KMT2C: variants seen among roughly 807,000 people sequenced by gnomAD.
The protein encoded by KMT2C is histone-lysine N-methyltransferase 2C.
Under a neutral mutation model 507.9 loss-of-function variants are expected in KMT2C, and 88 were observed. The observed-to-expected ratio is 0.17, with a 90% CI of 0.15 to 0.21. The LOEUF (loss-of-function observed/expected upper bound fraction) is 0.21, where lower values mean the gene tolerates loss of function less well. Ranked by LOEUF, KMT2C falls within the 10% of genes least tolerant of loss-of-function variation. The pLI is 1.00. For missense variants in KMT2C, 4,954 were observed against 5,957.8 expected, an observed-to-expected ratio of 0.83 and a Z score of 5.55; for synonymous variants, 2,049 against 2,080.8, an observed-to-expected ratio of 0.98 and a Z score of 0.42.
chr7:152,232,581 C>A (rs2095152769), intron 16 of KMT2C, among the ~76,000 whole-genome samples: 1 of 151,928 alleles, frequency 6.6e-6, no homozygotes, highest in South Asian at 2.1e-4. Flanking sequence ...TATAAATATA[C>A]CAAACTGATA....
At chr7:152,377,735 A>AG (rs1491211834) in intron 1 of KMT2C, among the ~76,000 whole-genome samples, 1 of 114,548 alleles carries the variant, frequency 8.7e-6, no homozygotes, top group African/African-American at 5.1e-5. Context: ...ACTCCGTCTC[A>AG]AAAAAAAAAA....
intron 9 of KMT2C, among the ~76,000 whole-genome samples, chr7:152,254,199 T>C (rs2095608549): frequency 6.6e-6 from 1 of 152,056 alleles, no homozygotes; most frequent in African/African-American, 2.4e-5. Context: ...AAGGATCTCT[T>C]GAGCCTAGGA....
chr7:152,166,823 T>C (rs2092751543), intron 42 of KMT2C, among the ~76,000 whole-genome samples: 1 of 152,194 alleles, frequency 6.6e-6, no homozygotes, highest in African/African-American at 2.4e-5. Flanking sequence ...GTCTTTGCAG[T>C]GATTTCTTAG....
intron 23 of KMT2C, among the ~76,000 whole-genome samples, chr7:152,219,230 A>G (rs1337286044): frequency 6.6e-6 from 1 of 152,136 alleles, no homozygotes; most frequent in East Asian, 1.9e-4. Context: ...TCGGCCTCCC[A>G]AAGTGCTGAG....
chr7:152,346,019 G>C, intron 2 of KMT2C, among the ~76,000 whole-genome samples: 1 of 152,120 alleles, frequency 6.6e-6, no homozygotes, highest in South Asian at 2.1e-4. Context: ...CAGGAATAAA[G>C]AAAGGCATTT....
At chr7:152,321,999 C>G (rs2096776927) in intron 3 of KMT2C, among the ~76,000 whole-genome samples, 1 of 151,710 alleles carries the variant, frequency 6.6e-6, no homozygotes, top group Non-Finnish European at 1.5e-5. Context: ...GATGCATCAC[C>G]CTGTCTGATT....
intron 1 of KMT2C, among the ~76,000 whole-genome samples, chr7:152,421,909 A>G (rs190898388): frequency 2.3e-4 from 35 of 152,320 alleles, no homozygotes; most frequent in African/African-American, 8.4e-4. Flanking sequence ...AAGGAAAAAA[A>G]ACAAGTGGGA....
intron 8 of KMT2C, among the ~76,000 whole-genome samples, chr7:152,263,652 G>C (rs1317634299): frequency 1.3e-5 from 2 of 152,106 alleles, no homozygotes; most frequent in Non-Finnish European, 2.9e-5. Context: ...ATTACTGCGA[G>C]AATTAAAGGT....
chr7:152,320,884 G>A (rs1219269435), intron 3 of KMT2C, among the ~76,000 whole-genome samples: 1 of 151,910 alleles, frequency 6.6e-6, no homozygotes, highest in Non-Finnish European at 1.5e-5. Flanking sequence ...CATCATGCAG[G>A]CAACATTCTC....
intron 6 of KMT2C, among the ~76,000 whole-genome samples, chr7:152,297,059 G>GACAGAAAAAAAGAAAGAAAGAA (rs1563767704): frequency 1.6e-5 from 1 of 64,396 alleles, no homozygotes; most frequent in African/African-American, 5.8e-5. Context: ...GAAAGACAGA[G>GACAGAAAAAAAGAAAGAAAGAA]AGAGAGAGAG....
intron 1 of KMT2C, among the ~76,000 whole-genome samples, chr7:152,400,291 A>G (rs2097564520): frequency 6.6e-6 from 1 of 152,054 alleles, no homozygotes; most frequent in Non-Finnish European, 1.5e-5. Context: ...CCTGGGCAAC[A>G]GAGCAAGACT....
At chr7:152,295,781 G>A (rs2096486415) in intron 6 of KMT2C, among the ~76,000 whole-genome samples, 1 of 152,090 alleles carries the variant, frequency 6.6e-6, no homozygotes, top group South Asian at 2.1e-4. Context: ...AGATATGAAC[G>A]CTCGGCTGGG....
intron 1 of KMT2C, among the ~76,000 whole-genome samples, chr7:152,418,745 T>C (rs1432732198): frequency 1.3e-5 from 2 of 151,918 alleles, no homozygotes; most frequent in Non-Finnish European, 2.9e-5. Flanking sequence ...TTTTACTCAA[T>C]GGAAAATTAA....
chr7:152,296,185 T>C (rs768327428), intron 6 of KMT2C, among the ~76,000 whole-genome samples: 1 of 151,758 alleles, frequency 6.6e-6, no homozygotes, highest in African/African-American at 2.4e-5. Flanking sequence ...TCCTAGCACT[T>C]TGGGAGGCTG....
intron 52 of KMT2C, among the ~76,000 whole-genome samples, chr7:152,147,177 A>C (rs1455217592): frequency 6.6e-6 from 1 of 152,088 alleles, no homozygotes; most frequent in African/African-American, 2.4e-5. Context: ...TTTAAGTGCT[A>C]AACTTAAGAA....
rs559977715 is a variant in KMT2C, at chr7:152,330,792, A to G, written c.251-53T>C. On this transcript the variant is annotated intron_variant, in intron 2 of 58. Transcript: ENST00000262189. ...AAGAGTCATTTTTGTGTTTATTTTA[A>G]TCACTGGTGAATGTATCTATAAAGC... is the stretch of plus-strand genomic sequence containing the variant. 7.3e-6 allele frequency: 11 copies of G among 1,513,480 alleles called. No homozygotes were observed. The East Asian group carries it at 2.5e-4, about 34-fold the overall frequency. The allele number at this position is 1,513,480 out of a possible 1,614,324, so 93.8% of individuals were successfully genotyped here.
At chr7:152,164,506 G>T (rs1394864098) in intron 42 of KMT2C, among the ~76,000 whole-genome samples, 1 of 151,786 alleles carries the variant, frequency 6.6e-6, no homozygotes, top group Non-Finnish European at 1.5e-5. Context: ...AGCCAGGATG[G>T]TCTCGATCTC....
intron 1 of KMT2C, among the ~76,000 whole-genome samples, chr7:152,379,552 A>T (rs1382537539): frequency 6.6e-6 from 1 of 150,754 alleles, no homozygotes; most frequent in Non-Finnish European, 1.5e-5. Flanking sequence ...AAACAAACAA[A>T]CAAAAATGGA....
At chr7:152,235,268 CTG>C (rs2095244327) in intron 16 of KMT2C, among the ~76,000 whole-genome samples, 1 of 149,572 alleles carries the variant, frequency 6.7e-6, no homozygotes, top group African/African-American at 2.5e-5. Flanking sequence ...CTTATATCAA[CTG>C]TACCTCAATA....
Sources: allele counts gnomAD v4.1 joint callset (sites outside exome capture counted in the v4.1 genomes callset), GRCh38; gene constraint gnomAD v4.1.1; transcripts MANE v1.5; gene names NCBI Gene and HGNC (gene_info 2026-07-23, HGNC 2026-07-21).